The following GNAI2 variants were observed in gnomAD, a reference collection of about 807,000 sequenced individuals.
GNAI2 encodes G protein subunit alpha i2, also known as guanine nucleotide-binding protein G(i) subunit alpha-2.
In GNAI2, 4 loss-of-function variants were observed where a neutral mutation model predicts 36.8. The ratio of observed to expected loss-of-function variants is 0.11; its 90% CI spans 0.05 to 0.25. The LOEUF is 0.25. Among genes scored for constraint, GNAI2 ranks in the 10% least tolerant of loss-of-function variants. The probability of loss-of-function intolerance (pLI) is 1.00; values close to 1 mark genes in which losing one functional copy is unlikely to be tolerated. For synonymous variants in GNAI2, 194 were observed against 194.1 expected (o/e 1.00, Z 0.01); for missense variants, 230 against 481.3 (o/e 0.48, Z 4.89).
chr3:50,229,113 A>G (rs1700028364), upstream of GNAI2: 1 of 152,200 alleles, frequency 6.6e-6, no homozygotes, highest in Non-Finnish European at 1.5e-5. Flanking sequence ...CTAACGAGTC[A>G]CGGGAGAGGC....
At chr3:50,258,042 C>G (rs1404477655) in intron 8 of GNAI2, 2 of 218,432 alleles carry the variant, frequency 9.2e-6, no homozygotes, top group Non-Finnish European at 1.8e-5. Context: ...CCCAGCCTGC[C>G]GGAAGCTGCA....
chr3:50,234,990 T>C (rs1230351339), upstream of GNAI2, among the ~76,000 whole-genome samples: 1 of 152,184 alleles, frequency 6.6e-6, no homozygotes, highest in African/African-American at 2.4e-5. Context: ...TGTGGGATCA[T>C]GGCCACCTCC....
intron 1 of GNAI2, among the ~76,000 whole-genome samples, chr3:50,248,729 T>C (rs1425807555): frequency 1.3e-5 from 2 of 152,102 alleles, no homozygotes; most frequent in Non-Finnish European, 2.9e-5. Flanking sequence ...ACCTGTCAAG[T>C]GGAACTCTTT....
chr3:50,249,378 G>A (rs1029145205), intron 1 of GNAI2, among the ~76,000 whole-genome samples: 1 of 152,198 alleles, frequency 6.6e-6, no homozygotes, highest in African/African-American at 2.4e-5. Context: ...TTCAGGCATC[G>A]CTGTGAGGCT....
chr3:50,256,588 G>GT, intron 5 of GNAI2, 135 bp from the exon 6 acceptor site: 1 of 964,202 alleles, frequency 1.0e-6, no homozygotes, highest in South Asian at 1.5e-5. Context: ...GGTGAAGTGG[G>GT]CAAGTGTGGA....
Position 50,252,584 on chromosome 3 carries a change from G to T in GNAI2, c.303+46G>T. The T allele has an allele frequency of 2.6e-6, 4 of 1,539,938 alleles. No individual in the cohort carries two copies. The highest frequency in any genetic ancestry group is 1.1e-5 in the South Asian group (1 of 87,948). ...CCTCTCCCACCTCCCAAAAGGTTTC[G>T]GGGTGGCTGGTTGTGGTGGCTCATG... On this transcript the variant is annotated intron_variant, in intron 3 of 8. Coordinates refer to ENST00000313601, the MANE Select transcript of GNAI2 (RefSeq NM_002070.4). The surrounding 1 kb of genome is among the most constrained non-coding windows in gnomAD (Gnocchi z 4.1).
Position 50,241,234 on chromosome 3 carries a change from A to ACT in GNAI2, c.118+4784_118+4785dup, listed in dbSNP as rs1553701095. On this transcript the variant is annotated intron_variant, in intron 1 of 8. Coordinates refer to ENST00000313601, the MANE Select transcript of GNAI2 (RefSeq NM_002070.4). This position sits in a 1 kb window ranked among gnomAD's most constrained non-coding sequence, Gnocchi z 5.0. Reference sequence around the variant, plus strand: ...ACCCAGGCTGGCCTCCAGCCCCTACACTCTACCCCAGCCCTCTCCTTCACT... The same window carrying ACT: ...ACCCAGGCTGGCCTCCAGCCCCTACACTCTCTACCCCAGCCCTCTCCTTCACT... 6.6e-6 allele frequency among the ~76,000 whole-genome samples: 1 copy of ACT among 151,910 alleles called. No individual in the cohort carries two copies. Among genetic ancestry groups the ACT allele is most frequent in the East Asian group, 1.9e-4 (1 of 5,176 alleles).
chr3:50,244,457 C>A (rs1700368921), intron 1 of GNAI2, among the ~76,000 whole-genome samples: 1 of 152,304 alleles, frequency 6.6e-6, no homozygotes, highest in Middle Eastern at 3.4e-3. Flanking sequence ...CCATAAGCCC[C>A]AGTCTTAGAC....
At chr3:50,251,452 G>A in intron 1 of GNAI2, 1 of 1,052,772 alleles carries the variant, frequency 9.5e-7, no homozygotes, top group Non-Finnish European at 1.2e-6. Flanking sequence ...ATACGCCGCA[G>A]GTCTCCCAGA....
Position 50,256,241 on chromosome 3 carries a change from C to G in GNAI2, c.514C>G (p.Gln172Glu), listed in dbSNP as rs1270468066. The G allele has an allele frequency of 1.9e-6, 3 of 1,608,296 alleles. No homozygotes were observed. The African/African-American group carries it at 4.0e-5, about 22-fold the overall frequency. Residue 172 changes from glutamine (Q) to glutamate (E), a missense_variant, in exon 5 of 9, where the codon CAG becomes GAG. Coordinates refer to ENST00000313601, the MANE Select transcript of GNAI2 (RefSeq NM_002070.4). ...RIAQSDYIPT[Q>E]QDVLRTRVKT... The stretch of plus-strand genomic sequence containing the variant: ...TGCACAGAGTGACTACATCCCCACA[C>G]AGCAAGATGTGCTACGGACCCGCGT...
At position 50,258,725 on chromosome 3, in the gene GNAI2, C is replaced by T. The variant is rs1286518880; in HGVS notation, c.*382C>T. The T allele has an allele frequency of 2.8e-6, 1 of 359,862 alleles. No individual in the cohort carries two copies. The highest frequency in any genetic ancestry group is 5.4e-6 in the Non-Finnish European group (1 of 185,524). 22.3% of individuals were successfully genotyped at this position (359,862 alleles called of 1,614,324 possible). A position where few individuals can be genotyped will look rare whatever the true frequency, so the allele number is the denominator to read the frequency against. On this transcript the variant is annotated 3_prime_UTR_variant, in exon 9 of 9. Transcript: ENST00000313601. ...ACCCCCAGCTTTGCCCAACACCAGCCCCTGCCCCAGCCCAAGTCCAAATGT... is the reference window on the plus strand; with the variant it reads ...ACCCCCAGCTTTGCCCAACACCAGCTCCTGCCCCAGCCCAAGTCCAAATGT...
chr3:50,251,674 A>T, intron 1 of GNAI2: 1 of 1,344,384 alleles, frequency 7.4e-7, no homozygotes, highest in Non-Finnish European at 9.8e-7. Context: ...ACCCTGTTGG[A>T]TGGAGTATGC....
rs1553700662 is a variant in GNAI2 at position 50,238,640 on chromosome 3, G to C, written c.118+2187G>C. 6.6e-6 allele frequency among the ~76,000 whole-genome samples: 1 copy of C among 152,248 alleles called. No homozygotes were observed. Among genetic ancestry groups the C allele is most frequent in the African/African-American group, 2.4e-5 (1 of 41,460 alleles). On this transcript the variant is annotated intron_variant, in intron 1 of 8. Transcript: ENST00000313601. This position sits in a 1 kb window ranked among gnomAD's most constrained non-coding sequence, Gnocchi z 5.0. ...CCTGGTGGTTCTTGTTGGGGATGTA[G>C]GTTGGGAGTAAAGACCCTGCAGTGT...
intron 1 of GNAI2, chr3:50,246,907 C>G: frequency 6.9e-7 from 1 of 1,446,244 alleles, no homozygotes; most frequent in Non-Finnish European, 9.0e-7. Flanking sequence ...AGCTCTGACT[C>G]CTGTCCCAGG....
intron 1 of GNAI2, among the ~76,000 whole-genome samples, chr3:50,244,347 T>C (rs1185820945): frequency 1.3e-5 from 2 of 152,212 alleles, no homozygotes; most frequent in Non-Finnish European, 2.9e-5. Flanking sequence ...ACCTTTTGAC[T>C]TCCCACTTTT....
Position 50,256,178 on chromosome 3 carries a change from C to A in GNAI2, c.465-14C>A. On this transcript the variant is annotated splice_polypyrimidine_tract_variant and intron_variant, in intron 4 of 8. Transcript: ENST00000313601. ...ATGCTGGCCCCCACTGACCCTCCCA[C>A]CCCCCATCCCCAGCTACCTGAACGA... 3 of 1,404,794 alleles carry A rather than the reference C, an allele frequency of 2.1e-6. No homozygotes were observed. The highest frequency in any genetic ancestry group is 3.0e-6 in the Non-Finnish European group (3 of 1,007,216). 87.0% of individuals were successfully genotyped at this position (1,404,794 alleles called of 1,614,324 possible).
Position 50,241,932 on chromosome 3 carries a change from A to G in GNAI2, c.118+5479A>G, listed in dbSNP as rs1033233556. ...GTTTGCCTGGCAAGTGGCAGCAGGT[A>G]GTGCTGAGGGTGGGGTGTGGTCAGG... On this transcript the variant is annotated intron_variant, in intron 1 of 8. Transcript: ENST00000313601. The surrounding 1 kb of genome is among the most constrained non-coding windows in gnomAD (Gnocchi z 5.0). Among the ~76,000 whole-genome samples the G allele has an allele frequency of 6.6e-6, 1 of 152,114 alleles. No individual in the cohort carries two copies. Among genetic ancestry groups the G allele is most frequent in the Non-Finnish European group, 1.5e-5 (1 of 67,994 alleles).
chr3:50,241,609 G>T lies in GNAI2; in HGVS notation c.118+5156G>T, dbSNP rs1397061348. Among the ~76,000 whole-genome samples, 3 of 152,198 alleles carry T rather than the reference G, an allele frequency of 2.0e-5. No individual in the cohort carries two copies. Among genetic ancestry groups the T allele is most frequent in the Non-Finnish European group, 4.4e-5 (3 of 68,026 alleles). On this transcript the variant is annotated intron_variant, in intron 1 of 8. Transcript: ENST00000313601. This position sits in a 1 kb window ranked among gnomAD's most constrained non-coding sequence, Gnocchi z 5.0. ...GCTCAGCTGGGGGCATCCCAGGCGG[G>T]TTGGGGAGAGGAACCCCAGACAGAG...
chr3:50,227,271 C>T (rs1393822999), upstream of GNAI2: 27 of 766,568 alleles, frequency 3.5e-5, no homozygotes, highest in Admixed American at 7.8e-5. The surrounding 1 kb of genome is among the most constrained non-coding windows in gnomAD (Gnocchi z 5.9). Context: ...TGGGGTGCCA[C>T]AGAGGGCTAG....
Sources: gnomAD v4.1 joint callset for allele counts (sites outside exome capture counted in the v4.1 genomes callset) on GRCh38, gnomAD v4.1.1 for gene constraint, Gnocchi (gnomAD v3.1) non-coding constraint, MANE v1.5 for transcripts, NCBI Gene and HGNC (gene_info 2026-07-23, HGNC 2026-07-21) for gene names.